AGAP5: variants seen among roughly 807,000 people sequenced by gnomAD.
The protein encoded by AGAP5 is ArfGAP with GTPase domain, ankyrin repeat and PH domain 5.
A neutral mutation model predicts 27.7 loss-of-function variants in AGAP5; 8 were observed. The ratio of observed to expected loss-of-function variants is 0.29; its 90% CI spans 0.17 to 0.52. The LOEUF is 0.52. Ranked by LOEUF, AGAP5 falls within the 20% of genes least tolerant of loss-of-function variation. The probability of loss-of-function intolerance (pLI) is 0.97; values close to 1 mark genes in which losing one functional copy is unlikely to be tolerated. For missense variants in AGAP5, 285 were observed against 880.8 expected (o/e 0.32, Z 8.56); for synonymous variants, 111 against 338.0 (o/e 0.33, Z 7.37).
At chr10:73,695,922 G>C (rs11591708) in intron 2 of AGAP5, among the ~76,000 whole-genome samples, 70,909 of 147,508 alleles carry the variant, frequency 0.48, 17,263 homozygotes, top group Middle Eastern at 0.62. Context: ...CAAAATTTTA[G>C]AGGCAAACCA....
intron 7 of AGAP5, 116 bp downstream of exon 7, chr10:73,676,603 A>T (rs906062668): frequency 3.5e-6 from 2 of 576,174 alleles, no homozygotes; most frequent in African/African-American, 4.2e-5. Flanking sequence ...ACAACACTTA[A>T]GATGACTAAA....
At chr10:73,677,747 T>C (rs1225650532) in intron 6 of AGAP5, among the ~76,000 whole-genome samples, 2 of 151,990 alleles carry the variant, frequency 1.3e-5, no homozygotes, top group Admixed American at 6.6e-5. Context: ...TAAAAATTTG[T>C]GAAAGTAATA....
chr10:73,695,008 A>T (rs2082149412), intron 2 of AGAP5, among the ~76,000 whole-genome samples: 1 of 152,072 alleles, frequency 6.6e-6, no homozygotes. Flanking sequence ...TGAGATGGGA[A>T]AATCACTTGA....
rs181772355 is a variant in AGAP5 at position 73,674,757 on chromosome 10, C to T, written c.1903G>A (p.Gly635Arg). Residue 635 changes from glycine to arginine, a missense_variant, in exon 8 of 8, where the codon GGG becomes AGG. Coordinates refer to ENST00000374094, the MANE Select transcript of AGAP5 (RefSeq NM_001144000.4). ...CTALHLACRK[G>R]NVVLAQLLIW... ...AGGAGCTGTGCCAGGACCACATTCC[C>T]CTTGCGGCAGGCCAGATGGAGCGCC... is the stretch of plus-strand genomic sequence containing the variant. 9.2e-4 allele frequency: 1,482 copies of T among 1,612,092 alleles called. 16 individuals carry two copies. The African/African-American group carries it at 0.017, about 19-fold the overall frequency.
rs766669070 is a variant in AGAP5, at chr10:73,697,725, G to C, written c.31C>G (p.Pro11Ala). 1 of 1,597,782 alleles carries C rather than the reference G, an allele frequency of 6.3e-7. No homozygotes were observed. Among genetic ancestry groups the C allele is most frequent in the Non-Finnish European group, 8.5e-7 (1 of 1,179,776 alleles). ...TGGTCAAACTCGAGGCTGACGCTAG[G>C]GTGCACACAACAGGTCAGTATGTTC... MGNILTCCVHPSVSLEFDQQQ... is the reference protein window; with the variant it reads MGNILTCCVHASVSLEFDQQQ... The change falls in exon 1 of 8, where the codon CCT becomes GCT. Residue 11 changes from proline (P) to alanine (A), a missense_variant. By Grantham distance (27) the Pro-to-Ala change is conservative. Coordinates refer to ENST00000374094, the MANE Select transcript of AGAP5 (RefSeq NM_001144000.4).
chr10:73,677,000 T>C (rs564998573), intron 6 of AGAP5, among the ~76,000 whole-genome samples: 2 of 152,312 alleles, frequency 1.3e-5, no homozygotes, highest in Admixed American at 6.5e-5. Context: ...GAAATGCCCA[T>C]GAATATTGAC....
intron 4 of AGAP5, among the ~76,000 whole-genome samples, chr10:73,688,842 G>A (rs979796772): frequency 1.3e-5 from 2 of 152,084 alleles, no homozygotes; most frequent in African/African-American, 4.8e-5. Context: ...AAAAGCTTCC[G>A]CAGATAACTA....
chr10:73,688,602 T>G (rs1279860047), intron 4 of AGAP5, among the ~76,000 whole-genome samples: 1 of 150,140 alleles, frequency 6.7e-6, no homozygotes, highest in Non-Finnish European at 1.5e-5. Flanking sequence ...AGAACTAGAA[T>G]AAAAAGACAA....
intron 1 of AGAP5, 32 bp from the exon 2 acceptor site, chr10:73,697,195 T>C (rs1419968037): frequency 1.3e-6 from 2 of 1,591,406 alleles, no homozygotes; most frequent in South Asian, 2.2e-5. Flanking sequence ...AGAAAAAAGA[T>C]GTAATCATTT....
At chr10:73,689,780 C>T (rs1170871838) in intron 4 of AGAP5, among the ~76,000 whole-genome samples, 2 of 148,334 alleles carry the variant, frequency 1.3e-5, no homozygotes, top group African/African-American at 5.0e-5. Flanking sequence ...AGTGAGGAGC[C>T]CCTCCGCCCG....
Position 73,697,744 on chromosome 10 carries a change from T to C in AGAP5, c.12A>G (p.Ile4Met), listed in dbSNP as rs768106499. 1 of 1,597,706 alleles carries C rather than the reference T, an allele frequency of 6.3e-7. No homozygotes were observed. The change falls in exon 1 of 8, where the codon ATA becomes ATG. Residue 4 changes from isoleucine to methionine, a missense_variant. Coordinates refer to ENST00000374094, the MANE Select transcript of AGAP5 (RefSeq NM_001144000.4). ...CGCTAGGGTGCACACAACAGGTCAGTATGTTCCCCATGGGGCGCCTCTACT... is the reference window on the plus strand; with the variant it reads ...CGCTAGGGTGCACACAACAGGTCAGCATGTTCCCCATGGGGCGCCTCTACT... MGN[I>M]LTCCVHPSVS... is the part of the protein sequence containing the mutation.
At chr10:73,685,761 C>G (rs2082058416) in intron 4 of AGAP5, among the ~76,000 whole-genome samples, 2 of 152,088 alleles carry the variant, frequency 1.3e-5, no homozygotes, top group South Asian at 4.1e-4. Flanking sequence ...CCATGTTGGC[C>G]TGGCTGGTCT....
At chr10:73,677,068 T>C (rs1014969124) in intron 6 of AGAP5, among the ~76,000 whole-genome samples, 16 of 152,100 alleles carry the variant, frequency 1.1e-4, no homozygotes, top group South Asian at 2.1e-4. Context: ...TAACCACACA[T>C]TGAAACACAA....
chr10:73,689,506 C>A (rs1361203784), intron 4 of AGAP5, among the ~76,000 whole-genome samples: 1 of 148,070 alleles, frequency 6.8e-6, no homozygotes, highest in Non-Finnish European at 1.5e-5. Context: ...AAGTGAGGAG[C>A]GTCTCTGCCC....
chr10:73,679,352 C>T (rs1366224513), intron 6 of AGAP5, among the ~76,000 whole-genome samples: 3 of 152,008 alleles, frequency 2.0e-5, no homozygotes, highest in African/African-American at 2.4e-5. Context: ...TTAGTAGAGA[C>T]GGGGTTTCGC....
Position 73,674,542 on chromosome 10 carries a change from CT to C in AGAP5, c.*56del, listed in dbSNP as rs2081959240. On this transcript the variant is annotated 3_prime_UTR_variant, in exon 8 of 8. Coordinates refer to ENST00000374094, the MANE Select transcript of AGAP5 (RefSeq NM_001144000.4). ...TTTCCTTTTGAAATTCTGAGTTATC[CT>C]TATTTTTCCCATTTTGTTTTTGCAC... is the stretch of plus-strand genomic sequence containing the variant. 1 of 1,561,590 alleles carries C rather than the reference CT, an allele frequency of 6.4e-7. No individual in the cohort carries two copies. Among genetic ancestry groups the C allele is most frequent in the Admixed American group, 1.8e-5 (1 of 56,728 alleles).
Position 73,674,515 on chromosome 10 carries a change from G to C in AGAP5, c.*84C>G, listed in dbSNP as rs867845330. Reference sequence around the variant, plus strand: ...AAATGCTATTACTAGCTGAATTTGTGATTTCCTTTTGAAATTCTGAGTTAT... The same window carrying C: ...AAATGCTATTACTAGCTGAATTTGTCATTTCCTTTTGAAATTCTGAGTTAT... On this transcript the variant is annotated 3_prime_UTR_variant, in exon 8 of 8. Coordinates refer to ENST00000374094, the MANE Select transcript of AGAP5 (RefSeq NM_001144000.4). 1 of 1,589,156 alleles carries C rather than the reference G, an allele frequency of 6.3e-7. No homozygotes were observed. Among genetic ancestry groups the C allele is most frequent in the Middle Eastern group, 2.3e-4 (1 of 4,344 alleles).
chr10:73,691,389 G>A (rs1269322889), intron 4 of AGAP5, among the ~76,000 whole-genome samples: 1 of 152,044 alleles, frequency 6.6e-6, no homozygotes, highest in African/African-American at 2.4e-5. Flanking sequence ...GGGAAGGTAT[G>A]CTTTTACCTG....
At chr10:73,692,854 C>T (rs1483803310) in intron 3 of AGAP5, among the ~76,000 whole-genome samples, 1 of 151,720 alleles carries the variant, frequency 6.6e-6, no homozygotes, top group African/African-American at 2.4e-5. Context: ...ACTGTGTTAG[C>T]CAGGATGGTC....
Sources: allele counts gnomAD v4.1 joint callset (sites outside exome capture counted in the v4.1 genomes callset), GRCh38; gene constraint gnomAD v4.1.1; transcripts MANE v1.5; gene names NCBI Gene and HGNC (gene_info 2026-07-23, HGNC 2026-07-21).